The following KSR2 variants were observed in gnomAD, a reference collection of about 807,000 sequenced individuals.
The protein encoded by KSR2 is kinase suppressor of ras 2.
A neutral mutation model predicts 107.8 loss-of-function variants in KSR2; 25 were observed. That is an observed-to-expected ratio of 0.23 (90% CI 0.17 to 0.32). KSR2 has a LOEUF of 0.32. Among genes scored for constraint, KSR2 ranks in the 10% least tolerant of loss-of-function variants. The pLI is 1.00. For missense variants in KSR2, 887 were observed against 1,268.9 expected, an observed-to-expected ratio of 0.70 and a Z score of 4.57; for synonymous variants, 480 against 507.0, an observed-to-expected ratio of 0.95 and a Z score of 0.71.
At chr12:117,787,916 C>T (rs1890134568) in intron 3 of KSR2, among the ~76,000 whole-genome samples, 1 of 152,190 alleles carries the variant, frequency 6.6e-6, no homozygotes, top group African/African-American at 2.4e-5. Flanking sequence ...TAAACATTTG[C>T]TCTTTGTAAT....
intron 5 of KSR2, among the ~76,000 whole-genome samples, chr12:117,647,867 G>C (rs1014014076): frequency 2.6e-5 from 4 of 152,076 alleles, no homozygotes; most frequent in African/African-American, 9.7e-5. Flanking sequence ...ACCACGTCTG[G>C]CTTTTTTACC....
intron 14 of KSR2, among the ~76,000 whole-genome samples, chr12:117,512,245 C>T (rs1874067845): frequency 6.6e-6 from 1 of 152,190 alleles, no homozygotes; most frequent in Admixed American, 6.5e-5. Flanking sequence ...CAACACCAGC[C>T]TCTAAGCTGC....
intron 16 of KSR2, among the ~76,000 whole-genome samples, chr12:117,479,036 C>T (rs981295911): frequency 2.6e-5 from 4 of 152,200 alleles, no homozygotes; most frequent in East Asian, 1.9e-4. Flanking sequence ...CCCTGAATGA[C>T]GCTCCAAGAG....
intron 3 of KSR2, among the ~76,000 whole-genome samples, chr12:117,793,405 A>G (rs1372580393): frequency 6.7e-6 from 1 of 150,032 alleles, no homozygotes; most frequent in Non-Finnish European, 1.5e-5. Context: ...ACCAACATGC[A>G]CACATACACA....
intron 3 of KSR2, among the ~76,000 whole-genome samples, chr12:117,784,589 T>C (rs1485252297): frequency 6.6e-6 from 1 of 152,206 alleles, no homozygotes; most frequent in African/African-American, 2.4e-5. Flanking sequence ...TGGTCCCCAG[T>C]GTCTGCTATT....
At chr12:117,743,613 A>G (rs1237650071) in intron 4 of KSR2, among the ~76,000 whole-genome samples, 1 of 152,220 alleles carries the variant, frequency 6.6e-6, no homozygotes, top group Non-Finnish European at 1.5e-5. Context: ...AATGATCTCT[A>G]TCTTGCAGAG....
chr12:117,890,452 A>C (rs1894305773), intron 1 of KSR2, among the ~76,000 whole-genome samples: 2 of 152,214 alleles, frequency 1.3e-5, no homozygotes, highest in Admixed American at 6.5e-5. Context: ...TGAGCTCCAG[A>C]GTAAAGGGAA....
At chr12:117,630,587 C>T (rs940959276) in intron 5 of KSR2, among the ~76,000 whole-genome samples, 1 of 151,912 alleles carries the variant, frequency 6.6e-6, no homozygotes, top group African/African-American at 2.4e-5. Context: ...TCGTTGTCTG[C>T]AGAGTGGGGA....
At chr12:117,933,251 T>C (rs770992352) in intron 1 of KSR2, among the ~76,000 whole-genome samples, 6 of 152,190 alleles carry the variant, frequency 3.9e-5, no homozygotes, top group Non-Finnish European at 5.9e-5. Context: ...TAATTTTTAG[T>C]ATAAGTATGT....
chr12:117,772,820 G>T (rs928665588), intron 3 of KSR2, among the ~76,000 whole-genome samples: 1 of 152,034 alleles, frequency 6.6e-6, no homozygotes, highest in African/African-American at 2.4e-5. Context: ...ATTCCACCGG[G>T]GCCACGGGAA....
At chr12:117,616,029 C>T (rs1593054588) in intron 5 of KSR2, among the ~76,000 whole-genome samples, 2 of 151,902 alleles carry the variant, frequency 1.3e-5, no homozygotes, top group South Asian at 4.2e-4. Flanking sequence ...TGGCACACGC[C>T]CATAGTCCCA....
intron 5 of KSR2, among the ~76,000 whole-genome samples, chr12:117,591,059 A>G (rs767944532): frequency 2.0e-5 from 3 of 152,104 alleles, no homozygotes; most frequent in Admixed American, 6.5e-5. Flanking sequence ...CATTGTTTTG[A>G]TCCCCGTTTT....
chr12:117,771,479 G>C (rs940125367), intron 3 of KSR2, among the ~76,000 whole-genome samples: 1 of 152,184 alleles, frequency 6.6e-6, no homozygotes, highest in Non-Finnish European at 1.5e-5. Flanking sequence ...TCCTGAGGCT[G>C]TGTCATGGGC....
intron 4 of KSR2, among the ~76,000 whole-genome samples, chr12:117,701,795 A>T (rs1049627508): frequency 2.6e-5 from 4 of 152,198 alleles, no homozygotes; most frequent in Non-Finnish European, 5.9e-5. Flanking sequence ...CAAGCCAAGG[A>T]ATGTCAAGGA....
At chr12:117,777,522 T>G (rs1258492297) in intron 3 of KSR2, among the ~76,000 whole-genome samples, 2 of 152,186 alleles carry the variant, frequency 1.3e-5, no homozygotes, top group African/African-American at 4.8e-5. Context: ...CTCAAAGTTT[T>G]TTACCACTCT....
intron 6 of KSR2, among the ~76,000 whole-genome samples, chr12:117,581,000 T>G (rs950719954): frequency 6.6e-6 from 1 of 152,162 alleles, no homozygotes; most frequent in Non-Finnish European, 1.5e-5. Context: ...CAGAGAGCAG[T>G]GAGGAGGAAA....
intron 9 of KSR2, among the ~76,000 whole-genome samples, chr12:117,551,883 C>T (rs2137323654): frequency 6.6e-6 from 1 of 152,308 alleles, no homozygotes; most frequent in African/African-American, 2.4e-5. Context: ...AACAATGTCA[C>T]AGTCACTGAT....
At chr12:117,891,663 G>A (rs971447015) in intron 1 of KSR2, among the ~76,000 whole-genome samples, 2 of 151,900 alleles carry the variant, frequency 1.3e-5, no homozygotes, top group Non-Finnish European at 2.9e-5. Context: ...GGAAGCATGG[G>A]ATGAAAACCA....
intron 1 of KSR2, among the ~76,000 whole-genome samples, chr12:117,923,001 C>T (rs750874894): frequency 5.9e-5 from 9 of 152,170 alleles, no homozygotes; most frequent in African/African-American, 2.4e-5. Context: ...AGAAAGGTGA[C>T]GCTCTACCTT....
Sources: gnomAD v4.1 joint callset for allele counts (sites outside exome capture counted in the v4.1 genomes callset) on GRCh38, gnomAD v4.1.1 for gene constraint, MANE v1.5 for transcripts, NCBI Gene and HGNC (gene_info 2026-07-23, HGNC 2026-07-21) for gene names.